Variants in MMP16 observed in about 807,000 individuals in gnomAD.
MMP16 encodes the protein matrix metallopeptidase 16.
MMP16 carries 12 observed loss-of-function variants against 67.8 expected under a neutral mutation model. The ratio of observed to expected loss-of-function variants is 0.18; its 90% confidence interval spans 0.11 to 0.29. The LOEUF is 0.29. MMP16 is among the 10% of genes least tolerant of loss of function. The pLI, the probability that MMP16 is intolerant of heterozygous loss-of-function variation, is 1.00. For missense variants in MMP16, 475 were observed against 765.7 expected, an observed-to-expected ratio of 0.62 and a Z score of 4.48; for synonymous variants, 249 against 255.9, an observed-to-expected ratio of 0.97 and a Z score of 0.26.
chr8:88,247,718 T>G (rs558395682), intron 1 of MMP16, among the ~76,000 whole-genome samples: 1 of 152,078 alleles, frequency 6.6e-6, no homozygotes, highest in Non-Finnish European at 1.5e-5. Flanking sequence ...GAATAGGCAA[T>G]GTATTAACAT....
chr8:88,203,518 C>A (rs2129797568), intron 1 of MMP16, among the ~76,000 whole-genome samples: 1 of 152,244 alleles, frequency 6.6e-6, no homozygotes, highest in African/African-American at 2.4e-5. Flanking sequence ...TACAGACTAA[C>A]CAAACTTCAT....
chr8:88,046,655 C>T lies in MMP16; in HGVS notation c.1489+14G>A. ...TAGCAAACTTATGAAATGTAGAAAG[C>T]ACATGTTGCATACCATTTTCTTTGT... On this transcript the variant is annotated intron_variant, in intron 9 of 9. Transcript: ENST00000286614. The T allele has an allele frequency of 6.7e-7, 1 of 1,497,358 alleles. No individual in the cohort carries two copies. Among genetic ancestry groups the T allele is most frequent in the Non-Finnish European group, 9.1e-7 (1 of 1,095,100 alleles). 92.8% of individuals were successfully genotyped at this position (1,497,358 alleles called of 1,614,324 possible). A position where few individuals can be genotyped will look rare whatever the true frequency, so the allele number is the denominator to read the frequency against.
chr8:88,080,174 T>C (rs1328164015), intron 6 of MMP16, among the ~76,000 whole-genome samples: 1 of 152,198 alleles, frequency 6.6e-6, no homozygotes, highest in Non-Finnish European at 1.5e-5. Flanking sequence ...TGGTGAACTG[T>C]GTCTGGTGTA....
Position 88,197,199 on chromosome 8 carries a change from A to G in MMP16, c.240T>C (p.Tyr80=), listed in dbSNP as rs996257527. Residue 80 remains tyrosine (Y), a synonymous_variant, in exon 2 of 10, where the codon TAT becomes TAC. Coordinates refer to ENST00000286614, the MANE Select transcript of MMP16 (RefSeq NM_005941.5). ...QSALAAMQQF[Y]GINMTGKVDR... Reference sequence around the variant, plus strand: ...CCACTTTTCCTGTCATGTTAATGCCATAGAACTGCTGCATGGCAGCTAGGG... The same window carrying G: ...CCACTTTTCCTGTCATGTTAATGCCGTAGAACTGCTGCATGGCAGCTAGGG... 13 of 1,612,514 alleles carry G rather than the reference A, an allele frequency of 8.1e-6. No individual in the cohort carries two copies. The highest frequency in any genetic ancestry group is 4.5e-5 in the East Asian group (2 of 44,756).
chr8:88,197,037 C>T, intron 2 of MMP16, 121 bp downstream of exon 2: 3 of 922,046 alleles, frequency 3.3e-6, no homozygotes, highest in East Asian at 3.0e-5. Context: ...TATATAATTC[C>T]AAAGAAAGTT....
At chr8:88,203,581 AAG>A (rs1277946855) in intron 1 of MMP16, among the ~76,000 whole-genome samples, 1 of 152,178 alleles carries the variant, frequency 6.6e-6, no homozygotes, top group African/African-American at 2.4e-5. Context: ...CCACAGTGCA[AAG>A]AGTTTCACAT....
At chr8:88,289,459 T>C (rs1810886361) in intron 1 of MMP16, among the ~76,000 whole-genome samples, 1 of 152,108 alleles carries the variant, frequency 6.6e-6, no homozygotes, top group South Asian at 2.1e-4. Flanking sequence ...CAGAGGACCA[T>C]TGTGAGGAAG....
chr8:88,148,902 G>A (rs4961079), intron 4 of MMP16, among the ~76,000 whole-genome samples: 7,125 of 152,258 alleles, frequency 0.047, 363 homozygotes, highest in East Asian at 0.19. Context: ...AGCTCCCAGC[G>A]TGAGCGACGC....
At chr8:88,301,747 T>A (rs999170494) in intron 1 of MMP16, among the ~76,000 whole-genome samples, 1 of 152,232 alleles carries the variant, frequency 6.6e-6, no homozygotes, top group African/African-American at 2.4e-5. Context: ...TGTATTTTTT[T>A]AAAACTGAAT....
intron 8 of MMP16, among the ~76,000 whole-genome samples, chr8:88,049,516 A>G (rs1808243083): frequency 6.6e-6 from 1 of 152,158 alleles, no homozygotes; most frequent in Non-Finnish European, 1.5e-5. Flanking sequence ...TCTTGCAGAG[A>G]AACAGTCAAA....
chr8:88,044,806 G>GT (rs1395542712), intron 9 of MMP16, among the ~76,000 whole-genome samples: 1 of 152,148 alleles, frequency 6.6e-6, no homozygotes, highest in Non-Finnish European at 1.5e-5. Context: ...ACGTTTATTA[G>GT]TAAGAAGTTG....
chr8:88,079,181 T>G (rs1586139267), intron 6 of MMP16, among the ~76,000 whole-genome samples: 1 of 152,130 alleles, frequency 6.6e-6, no homozygotes, highest in East Asian at 1.9e-4. Flanking sequence ...TTAAGACACC[T>G]TGCAGGCAGT....
chr8:88,147,881 T>C (rs770729057), intron 4 of MMP16, among the ~76,000 whole-genome samples: 6 of 152,088 alleles, frequency 3.9e-5, no homozygotes, highest in Non-Finnish European at 8.8e-5. Flanking sequence ...TCTAGATAAT[T>C]ATCAACAAGT....
chr8:88,107,752 C>T (rs148741712), intron 6 of MMP16, among the ~76,000 whole-genome samples: 2 of 151,030 alleles, frequency 1.3e-5, no homozygotes, highest in African/African-American at 2.4e-5. Context: ...GAGATTGTTT[C>T]TTTTTATATA....
chr8:88,203,449 G>A (rs1809376194), intron 1 of MMP16, among the ~76,000 whole-genome samples: 1 of 152,038 alleles, frequency 6.6e-6, no homozygotes, highest in African/African-American at 2.4e-5. Context: ...ATGCATGCAT[G>A]AGCATAACTG....
intron 2 of MMP16, among the ~76,000 whole-genome samples, chr8:88,196,359 T>C (rs1586199784): frequency 1.3e-5 from 2 of 152,180 alleles, no homozygotes; most frequent in South Asian, 4.1e-4. Context: ...TGCTGTTTCA[T>C]AATCTTACGA....
intron 1 of MMP16, among the ~76,000 whole-genome samples, chr8:88,301,251 T>A (rs1811094182): frequency 6.6e-6 from 1 of 152,178 alleles, no homozygotes; most frequent in African/African-American, 2.4e-5. Context: ...TTTCTCAGCC[T>A]TCTCTCGTTC....
rs1325396201 is a variant in MMP16, at chr8:88,037,780, A to G, written c.*3681T>C. 6.6e-6 allele frequency: 1 copy of G among 152,012 alleles called. No individual in the cohort carries two copies. Among genetic ancestry groups the G allele is most frequent in the Non-Finnish European group, 1.5e-5 (1 of 67,908 alleles). 9.4% of individuals were successfully genotyped at this position (152,012 alleles called of 1,614,324 possible). A position where few individuals can be genotyped will look rare whatever the true frequency, so the allele number is the denominator to read the frequency against. On this transcript the variant is annotated 3_prime_UTR_variant, in exon 10 of 10. Transcript: ENST00000286614. ...CACAGAACAACAATATTTTACTAAA[A>G]TTCTTAACTATATGGTCATTTTACA...
chr8:88,299,605 C>G (rs1219529443), intron 1 of MMP16, among the ~76,000 whole-genome samples: 1 of 152,062 alleles, frequency 6.6e-6, no homozygotes, highest in East Asian at 1.9e-4. Context: ...CACCTCAGAA[C>G]CTTGAATTGT....
Sources: gnomAD v4.1 joint callset for allele counts (sites outside exome capture counted in the v4.1 genomes callset) on GRCh38, gnomAD v4.1.1 for gene constraint, MANE v1.5 for transcripts, NCBI Gene and HGNC (gene_info 2026-07-23, HGNC 2026-07-21) for gene names.